DNAH1: variants seen among roughly 807,000 people sequenced by gnomAD.
DNAH1 encodes axonemal beta dynein heavy chain 1.
A neutral mutation model predicts 484.3 loss-of-function variants in DNAH1; 327 were observed. The observed-to-expected ratio is 0.68, with a 90% CI of 0.62 to 0.74. The LOEUF is 0.74. Among genes scored for constraint, DNAH1 ranks in the 30% least tolerant of loss-of-function variants. The pLI, the probability that DNAH1 is intolerant of heterozygous loss-of-function variation, is 0.00. For missense variants in DNAH1, 5,052 were observed against 5,546.8 expected, an observed-to-expected ratio of 0.91 and a Z score of 2.83; for synonymous variants, 2,192 against 2,191.9, an observed-to-expected ratio of 1.00 and a Z score of 0.00.
At chr3:52,363,426 G>T (rs1702946321) in intron 32 of DNAH1, among the ~76,000 whole-genome samples, 1 of 152,238 alleles carries the variant, frequency 6.6e-6, no homozygotes, top group Non-Finnish European at 1.5e-5. Context: ...AGGTGCAAGG[G>T]CCTTGATCAT....
rs759513373 is a variant in DNAH1, at chr3:52,354,957, G to A, written c.3595G>A (p.Asp1199Asn). 7 of 1,613,892 alleles carry A rather than the reference G, an allele frequency of 4.3e-6. No homozygotes were observed. In the Admixed American group the frequency reaches 5.0e-5, roughly 12 times the overall value. ...SPDEASQLLD[D>N]HIVMTQNMSF... ...GGACGAGGCCTCACAGCTGCTGGACGACCACATCGTCATGACCCAGAATAT... is the reference window on the plus strand; with the variant it reads ...GGACGAGGCCTCACAGCTGCTGGACAACCACATCGTCATGACCCAGAATAT... The change falls in exon 21 of 78, where the codon GAC becomes AAC. Residue 1199 changes from aspartate (D) to asparagine (N), a missense_variant. This residue lies in a region of DNAH1 where 2,929 missense variants were observed against 3,409.4 expected (regional missense o/e 0.86). Transcript: ENST00000420323.
At chr3:52,318,539 ACAAT>A (rs1208019842) in intron 1 of DNAH1, among the ~76,000 whole-genome samples, 1 of 152,232 alleles carries the variant, frequency 6.6e-6, no homozygotes, top group African/African-American at 2.4e-5. Context: ...ATTTGTTCAC[ACAAT>A]CATTCAGCAA....
chr3:52,364,734 A>G lies in DNAH1; in HGVS notation c.5331+10A>G. On this transcript the variant is annotated intron_variant, in intron 33 of 77. Coordinates refer to ENST00000420323, the MANE Select transcript of DNAH1 (RefSeq NM_015512.5). This position sits in a 1 kb window ranked among gnomAD's most constrained non-coding sequence, Gnocchi z 4.2. The stretch of plus-strand genomic sequence containing the variant: ...CCCCAGCATGAATGAGGTGAGCTCC[A>G]CCCAGCAGGGCTCCAGGAGTGGAAC... 6.2e-7 allele frequency: 1 copy of G among 1,611,666 alleles called. No homozygotes were observed. Among genetic ancestry groups the G allele is most frequent in the Non-Finnish European group, 8.5e-7 (1 of 1,178,604 alleles).
Position 52,383,470 on chromosome 3 carries a change from G to C in DNAH1, c.8026G>C (p.Asp2676His). 1 of 1,613,854 alleles carries C rather than the reference G, an allele frequency of 6.2e-7. No homozygotes were observed. Among genetic ancestry groups the C allele is most frequent in the Non-Finnish European group, 8.5e-7 (1 of 1,179,826 alleles). The part of the protein sequence containing the change: ...IPNLYTADEQ[D>H]QIVSTMRPYI... ...CAATCTGTATACTGCGGACGAGCAG[G>C]ACCAGATCGTCAGCACCATGCGGCC... is the stretch of plus-strand genomic sequence containing the variant. The change falls in exon 51 of 78, where the codon GAC becomes CAC. Residue 2676 changes from aspartate (D) to histidine (H), a missense_variant. Asp to His is a moderately conservative substitution (Grantham distance 81). This residue lies in a region of DNAH1 where 2,929 missense variants were observed against 3,409.4 expected (regional missense o/e 0.86). Coordinates refer to ENST00000420323, the MANE Select transcript of DNAH1 (RefSeq NM_015512.5).
upstream of DNAH1, among the ~76,000 whole-genome samples, chr3:52,315,493 C>T (rs1700920453): frequency 1.3e-5 from 2 of 152,224 alleles, no homozygotes; most frequent in African/African-American, 2.4e-5. Context: ...AGGCATGGCC[C>T]TGGGCCAGGG....
At chr3:52,375,486 G>A in intron 45 of DNAH1, 73 bp downstream of exon 45, 1 of 1,527,722 alleles carries the variant, frequency 6.5e-7, no homozygotes, top group Non-Finnish European at 8.8e-7. Context: ...AGGACAACTG[G>A]GTGGCCACCA....
At position 52,362,423 on chromosome 3, in the gene DNAH1, A is replaced by C; in HGVS notation, c.5016A>C (p.Pro1672=). ...ERFMFEGVEI[P]LVPSCAVFIT... ...TCATGTTTGAGGGTGTGGAGATCCCACTGGTGCCATCCTGCGCAGTGTTTA... is the reference window on the plus strand; with the variant it reads ...TCATGTTTGAGGGTGTGGAGATCCCCCTGGTGCCATCCTGCGCAGTGTTTA... The change falls in exon 31 of 78, where the codon CCA becomes CCC. Residue 1672 remains proline (P), a synonymous_variant. Transcript: ENST00000420323. The surrounding 1 kb of genome is among the most constrained non-coding windows in gnomAD (Gnocchi z 5.1). 6.2e-7 allele frequency: 1 copy of C among 1,613,936 alleles called. No homozygotes were observed. The highest frequency in any genetic ancestry group is 8.5e-7 in the Non-Finnish European group (1 of 1,179,882).
chr3:52,348,844 C>G (rs973648450), intron 12 of DNAH1, 44 bp from the exon 13 acceptor site: 2 of 1,594,480 alleles, frequency 1.3e-6, no homozygotes, highest in Non-Finnish European at 1.7e-6. Context: ...CATTCACCCC[C>G]TGGCTCATCC....
At chr3:52,397,072 G>C (rs1704669113) in intron 73 of DNAH1, 28 bp downstream of exon 73, 1 of 1,560,270 alleles carries the variant, frequency 6.4e-7, no homozygotes, top group Non-Finnish European at 8.7e-7. Flanking sequence ...GGCTGCACAG[G>C]AGGGGCCTGC....
At chr3:52,357,434 C>T (rs770901603) in intron 22 of DNAH1, among the ~76,000 whole-genome samples, 180 bp from the exon 23 acceptor site, 7 of 151,784 alleles carry the variant, frequency 4.6e-5, no homozygotes, top group African/African-American at 9.7e-5. Flanking sequence ...CTTGTTTGAC[C>T]GTAGAATTTT....
intron 8 of DNAH1, among the ~76,000 whole-genome samples, chr3:52,335,251 T>G (rs1701699540): frequency 7.0e-6 from 1 of 142,420 alleles, no homozygotes; most frequent in African/African-American, 2.7e-5. Context: ...GAGACGGGGT[T>G]TCACCATGTT....
At chr3:52,366,228 C>G (rs540734421) in intron 34 of DNAH1, among the ~76,000 whole-genome samples, 1 of 152,328 alleles carries the variant, frequency 6.6e-6, no homozygotes, top group South Asian at 2.1e-4. Context: ...ACGGTAGTCA[C>G]AGTGGAAAGA....
In DNAH1 at chr3:52,395,306, A is replaced by C. The variant is rs966601664; in HGVS notation, c.10969-2A>C. 5 of 1,613,108 alleles carry C rather than the reference A, an allele frequency of 3.1e-6. No homozygotes were observed. The highest frequency in any genetic ancestry group is 2.5e-6 in the Non-Finnish European group (3 of 1,179,606). On this transcript the variant is annotated splice_acceptor_variant, in intron 68 of 77. Transcript: ENST00000420323. LOFTEE classifies it high-confidence loss of function. This position sits in a 1 kb window ranked among gnomAD's most constrained non-coding sequence, Gnocchi z 4.4. ...TCTCAGCATCTCCCCCTGCCCTTGC[A>C]GACAGCCAATCTGTCAGTGGTGTTC...
In DNAH1 at chr3:52,369,987, C is replaced by T. The variant is rs1703256752; in HGVS notation, c.6106C>T (p.His2036Tyr). 1 of 1,613,634 alleles carries T rather than the reference C, an allele frequency of 6.2e-7. No homozygotes were observed. The highest frequency in any genetic ancestry group is 8.5e-7 in the Non-Finnish European group (1 of 1,179,640). ...LPPLLKPYEE[H>Y]FKALFVSFLE... ...TCCCTTGCTGAAGCCCTATGAGGAG[C>T]ATTTCAAGGCCCTCTTTGTCAGCTT... The change falls in exon 38 of 78, where the codon CAT becomes TAT. Residue 2036 changes from histidine to tyrosine, a missense_variant. This residue lies in a region of DNAH1 where 2,929 missense variants were observed against 3,409.4 expected (regional missense o/e 0.86). Coordinates refer to ENST00000420323, the MANE Select transcript of DNAH1 (RefSeq NM_015512.5).
chr3:52,395,136 G>A lies in DNAH1; in HGVS notation c.10968+77G>A, dbSNP rs1704563122. ...GGGTCCCAGGGCCCTGGCTGCATCTGGATAGACTACTTGGCCAGGCCAGGA... is the reference window on the plus strand; with the variant it reads ...GGGTCCCAGGGCCCTGGCTGCATCTAGATAGACTACTTGGCCAGGCCAGGA... On this transcript the variant is annotated intron_variant, in intron 68 of 77. Coordinates refer to ENST00000420323, the MANE Select transcript of DNAH1 (RefSeq NM_015512.5). The surrounding 1 kb of genome is among the most constrained non-coding windows in gnomAD (Gnocchi z 4.4). 6.5e-7 allele frequency: 1 copy of A among 1,535,768 alleles called. No homozygotes were observed. Among genetic ancestry groups the A allele is most frequent in the Non-Finnish European group, 8.8e-7 (1 of 1,137,790 alleles).
chr3:52,393,172 C>T lies in DNAH1; in HGVS notation c.10474+147C>T, dbSNP rs568895081. 67 of 1,418,638 alleles carry T rather than the reference C, an allele frequency of 4.7e-5. 2 individuals are homozygous for T. In the South Asian group the frequency reaches 6.0e-4, roughly 13 times the overall value. The allele number at this position is 1,418,638 out of a possible 1,614,324, so 87.9% of individuals were successfully genotyped here. The stretch of plus-strand genomic sequence containing the variant: ...ACAATACATAAGAATGCACACAGCA[C>T]GCCTACCCTCCTCCGAGCCCCTTCA... On this transcript the variant is annotated intron_variant, in intron 65 of 77. Transcript: ENST00000420323.
intron 22 of DNAH1, among the ~76,000 whole-genome samples, chr3:52,357,384 C>T (rs1381827064): frequency 1.3e-5 from 2 of 152,286 alleles, no homozygotes; most frequent in Non-Finnish European, 2.9e-5. Context: ...TCTGACAAGT[C>T]CTGCAGCAAA....
intron 11 of DNAH1, 91 bp from the exon 12 acceptor site, chr3:52,347,733 G>T: frequency 7.1e-7 from 1 of 1,401,796 alleles, no homozygotes. Context: ...AGAGGCTCAA[G>T]AGTCATAGCG....
chr3:52,381,395 G>A lies in DNAH1; in HGVS notation c.7609-245G>A, dbSNP rs1406352370. Among the ~76,000 whole-genome samples, 1 of 152,200 alleles carries A rather than the reference G, an allele frequency of 6.6e-6. No individual in the cohort carries two copies. The highest frequency in any genetic ancestry group is 1.5e-5 in the Non-Finnish European group (1 of 68,046). ...CCCACAGTGCTGGGATTACAGGCGT[G>A]AGCCACCGCGCTAGGCCAATCCCTC... On this transcript the variant is annotated intron_variant, in intron 48 of 77. Coordinates refer to ENST00000420323, the MANE Select transcript of DNAH1 (RefSeq NM_015512.5). The surrounding 1 kb of genome is among the most constrained non-coding windows in gnomAD (Gnocchi z 4.1).
Sources: allele counts gnomAD v4.1 joint callset (sites outside exome capture counted in the v4.1 genomes callset), GRCh38; gene constraint gnomAD v4.1.1; regional missense constraint gnomAD v4.1.1; non-coding constraint Gnocchi (gnomAD v3.1); transcripts MANE v1.5; gene names NCBI Gene and HGNC (gene_info 2026-07-23, HGNC 2026-07-21).